Variants in REV1 observed in about 807,000 individuals in gnomAD.
REV1 encodes translesion synthesis protein REV1.
A neutral mutation model predicts 137.4 loss-of-function variants in REV1; 42 were observed. That is an observed-to-expected ratio of 0.31 (90% CI 0.24 to 0.40). REV1 has a LOEUF of 0.40. Ranked by LOEUF, REV1 falls within the 10% of genes least tolerant of loss-of-function variation. The pLI is 1.00. For synonymous variants in REV1, 524 were observed against 519.2 expected (o/e 1.01, Z -0.12); for missense variants, 1,282 against 1,490.1 (o/e 0.86, Z 2.30).
chr2:99,414,055 T>G (rs1195980501), intron 12 of REV1, among the ~76,000 whole-genome samples: 1 of 152,128 alleles, frequency 6.6e-6, no homozygotes, highest in East Asian at 1.9e-4. Flanking sequence ...CTTGGGAGGC[T>G]GAGTTGGAAA....
At chr2:99,444,510 G>A (rs993981549) in intron 4 of REV1, among the ~76,000 whole-genome samples, 1 of 152,164 alleles carries the variant, frequency 6.6e-6, no homozygotes, top group African/African-American at 2.4e-5. Context: ...AGAGCCATGT[G>A]GCCACCCACA....
In REV1 at chr2:99,438,739, G is replaced by A. The variant is rs368088419; in HGVS notation, c.1075C>T (p.His359Tyr). 6.3e-5 allele frequency: 101 copies of A among 1,613,856 alleles called. No homozygotes were observed. Among genetic ancestry groups the A allele is most frequent in the Non-Finnish European group, 7.9e-5 (93 of 1,179,828 alleles). ...ISNFYSHSRL[H>Y]HISMWKCELT... is the part of the protein sequence containing the mutation. Reference sequence around the variant, plus strand: ...TCACACTTCCACATTGATATGTGATGCAGTCTTGAATGAGAATAGAAGTTT... The same window carrying A: ...TCACACTTCCACATTGATATGTGATACAGTCTTGAATGAGAATAGAAGTTT... The change falls in exon 6 of 23, where the codon CAT (histidine) becomes TAT (tyrosine). Residue 359 changes from histidine (H) to tyrosine (Y), a missense_variant. This residue lies in a region of REV1 where 432 missense variants were observed against 438.0 expected (regional missense o/e 0.99). Transcript: ENST00000258428.
At chr2:99,412,070 A>G (rs1015158838) in intron 13 of REV1, among the ~76,000 whole-genome samples, 2 of 151,802 alleles carry the variant, frequency 1.3e-5, no homozygotes, top group African/African-American at 4.8e-5. Context: ...CGTCTCTACT[A>G]AAAGTACAAA....
At chr2:99,458,285 A>G (rs2105061790) in intron 3 of REV1, among the ~76,000 whole-genome samples, 1 of 152,350 alleles carries the variant, frequency 6.6e-6, no homozygotes, top group South Asian at 2.1e-4. Context: ...GGAAAAAAAT[A>G]TGAACAAATG....
chr2:99,433,520 T>C (rs547015208), intron 8 of REV1, among the ~76,000 whole-genome samples: 5 of 152,338 alleles, frequency 3.3e-5, no homozygotes, highest in African/African-American at 4.8e-5. Flanking sequence ...CTTAATTTCA[T>C]TGGAGTCATT....
At chr2:99,422,788 T>C (rs1678857775) in intron 10 of REV1, among the ~76,000 whole-genome samples, 1 of 152,144 alleles carries the variant, frequency 6.6e-6, no homozygotes, top group Admixed American at 6.5e-5. Context: ...TGTAGGAGTA[T>C]AGGTCACAGC....
chr2:99,419,603 A>C (rs879240953), intron 11 of REV1, among the ~76,000 whole-genome samples: 2 of 152,186 alleles, frequency 1.3e-5, no homozygotes, highest in Admixed American at 1.3e-4. Context: ...CAGAGGAGGT[A>C]GGGAAATGAC....
At chr2:99,409,857 C>T (rs1264526413) in intron 14 of REV1, among the ~76,000 whole-genome samples, 1 of 110,590 alleles carries the variant, frequency 9.0e-6, no homozygotes, top group Admixed American at 9.0e-5. Flanking sequence ...CAAACAACCC[C>T]CCCCCCCCCC....
intron 4 of REV1, among the ~76,000 whole-genome samples, chr2:99,448,488 A>T: frequency 6.6e-6 from 1 of 152,176 alleles, no homozygotes; most frequent in Admixed American, 6.5e-5. Context: ...AACCAACAGC[A>T]GAGAAACCAC....
At chr2:99,486,413 C>T (rs1480484460) in intron 1 of REV1, among the ~76,000 whole-genome samples, 2 of 151,886 alleles carry the variant, frequency 1.3e-5, no homozygotes, top group African/African-American at 4.8e-5. Context: ...CCTGCAGTCC[C>T]AGCTACTCGG....
chr2:99,455,739 TCTC>T (rs1027925055), intron 3 of REV1, among the ~76,000 whole-genome samples: 2 of 152,284 alleles, frequency 1.3e-5, no homozygotes, highest in Admixed American at 6.5e-5. Flanking sequence ...AAGAGAATCC[TCTC>T]CTAAAACACC....
chr2:99,403,436 A>T, intron 19 of REV1: 1 of 572,358 alleles, frequency 1.7e-6, no homozygotes, highest in South Asian at 2.3e-5. Flanking sequence ...ACAAGTATTT[A>T]AGACATTTGT....
chr2:99,413,266 G>C (rs139174288), intron 12 of REV1, among the ~76,000 whole-genome samples: 2 of 152,220 alleles, frequency 1.3e-5, no homozygotes, highest in African/African-American at 4.8e-5. Flanking sequence ...ATGTATCTTA[G>C]TCACAAAATC....
intron 1 of REV1, among the ~76,000 whole-genome samples, chr2:99,471,889 T>TAAAAAAA (rs947603744): frequency 3.2e-5 from 3 of 93,422 alleles, no homozygotes; most frequent in African/African-American, 8.1e-5. Flanking sequence ...TAGCTACTAT[T>TAAAAAAA]AAAAAAAAAA....
chr2:99,442,491 A>G (rs751400529), intron 4 of REV1, 22 bp from the exon 5 acceptor site: 12 of 1,610,350 alleles, frequency 7.5e-6, no homozygotes, highest in Non-Finnish European at 7.6e-6. Context: ...AGCAACACCA[A>G]TTTAGAGTTC....
At chr2:99,415,120 G>T (rs1677674835) in intron 12 of REV1, among the ~76,000 whole-genome samples, 1 of 152,160 alleles carries the variant, frequency 6.6e-6, no homozygotes, top group Admixed American at 6.5e-5. Flanking sequence ...TATTGAGTGG[G>T]GGTGGGAAAA....
At chr2:99,470,936 G>C (rs1222699760) in intron 1 of REV1, among the ~76,000 whole-genome samples, 1 of 152,180 alleles carries the variant, frequency 6.6e-6, no homozygotes, top group East Asian at 1.9e-4. Flanking sequence ...TACAGCACCA[G>C]GGAACAAGCA....
intron 12 of REV1, among the ~76,000 whole-genome samples, chr2:99,416,580 C>G (rs997709822): frequency 2.0e-5 from 3 of 152,154 alleles, no homozygotes; most frequent in African/African-American, 7.2e-5. Flanking sequence ...TTAGGAAATT[C>G]AAGGCTGTGC....
At chr2:99,422,171 T>C (rs1229373408) in intron 10 of REV1, among the ~76,000 whole-genome samples, 1 of 152,336 alleles carries the variant, frequency 6.6e-6, no homozygotes, top group East Asian at 1.9e-4. Context: ...AAGGAAAAAG[T>C]GGCCAGTCAT....
Sources: allele counts gnomAD v4.1 joint callset (sites outside exome capture counted in the v4.1 genomes callset), GRCh38; gene constraint gnomAD v4.1.1; regional missense constraint gnomAD v4.1.1; transcripts MANE v1.5; gene names NCBI Gene and HGNC (gene_info 2026-07-23, HGNC 2026-07-21).